Variants in AFG1L observed in about 807,000 individuals in gnomAD.
AFG1L encodes AFG1 like ATPase, also known as AFG1-like ATPase.
In AFG1L, 53 loss-of-function variants were observed where a neutral mutation model predicts 62.2. The observed-to-expected ratio is 0.85, with a 90% CI of 0.68 to 1.07. The LOEUF (loss-of-function observed/expected upper bound fraction) is 1.07, where lower values mean the gene tolerates loss of function less well. Among genes scored for constraint, AFG1L ranks in the 50% least tolerant of loss-of-function variants. The probability of loss-of-function intolerance (pLI) is 0.00; values close to 1 mark genes in which losing one functional copy is unlikely to be tolerated. For synonymous variants in AFG1L, 228 were observed against 210.3 expected, an observed-to-expected ratio of 1.08 and a Z score of -0.73; for missense variants, 555 against 590.5, an observed-to-expected ratio of 0.94 and a Z score of 0.62.
chr6:108,449,232 G>GAT (rs1254773127), intron 8 of AFG1L, among the ~76,000 whole-genome samples: 2 of 149,914 alleles, frequency 1.3e-5, no homozygotes, highest in Non-Finnish European at 3.0e-5. Flanking sequence ...CAGACATATA[G>GAT]ATATATATAG....
chr6:108,371,848 G>A (rs914431641), intron 6 of AFG1L, among the ~76,000 whole-genome samples: 1 of 151,990 alleles, frequency 6.6e-6, no homozygotes, highest in African/African-American at 2.4e-5. Context: ...CTTTGAATGC[G>A]TGGGCTCAAA....
intron 7 of AFG1L, among the ~76,000 whole-genome samples, chr6:108,437,621 A>G (rs889252411): frequency 6.6e-6 from 1 of 152,208 alleles, no homozygotes; most frequent in Admixed American, 6.5e-5. Flanking sequence ...ATAACCCATT[A>G]TAGTATAGAA....
At chr6:108,479,404 C>T (rs1773247199) in intron 10 of AFG1L, among the ~76,000 whole-genome samples, 1 of 152,050 alleles carries the variant, frequency 6.6e-6, no homozygotes, top group African/African-American at 2.4e-5. Context: ...CAGGTTTGCC[C>T]CTTATCTAGA....
chr6:108,479,934 A>G (rs893055779), intron 10 of AFG1L, among the ~76,000 whole-genome samples: 11 of 152,210 alleles, frequency 7.2e-5, no homozygotes, highest in Non-Finnish European at 1.6e-4. Flanking sequence ...CATAATGACT[A>G]TTTTTGAGCC....
intron 1 of AFG1L, among the ~76,000 whole-genome samples, chr6:108,304,892 A>G (rs1375263574): frequency 2.0e-5 from 3 of 152,232 alleles, no homozygotes; most frequent in Non-Finnish European, 2.9e-5. Flanking sequence ...TGATCTGGAA[A>G]AGACTAGATT....
chr6:108,491,702 G>GTCT (rs1472167785), intron 10 of AFG1L, among the ~76,000 whole-genome samples: 4 of 152,292 alleles, frequency 2.6e-5, no homozygotes, highest in African/African-American at 9.6e-5. Context: ...AATTCTGTTA[G>GTCT]TCTTACTCAT....
intron 2 of AFG1L, among the ~76,000 whole-genome samples, chr6:108,343,550 T>C (rs1778760635): frequency 6.6e-6 from 1 of 152,220 alleles, no homozygotes; most frequent in African/African-American, 2.4e-5. Flanking sequence ...AGTTACCTAA[T>C]ACAAAATGCT....
At chr6:108,356,409 C>G (rs924257318) in intron 4 of AFG1L, among the ~76,000 whole-genome samples, 2 of 152,142 alleles carry the variant, frequency 1.3e-5, no homozygotes, top group Non-Finnish European at 2.9e-5. Flanking sequence ...GTTGATGCAT[C>G]TAATCACTTG....
At chr6:108,473,054 G>A (rs1189867815) in intron 8 of AFG1L, among the ~76,000 whole-genome samples, 2 of 151,904 alleles carry the variant, frequency 1.3e-5, no homozygotes, top group South Asian at 2.1e-4. Flanking sequence ...TGACCACCTC[G>A]GCTTCCCAAA....
chr6:108,458,563 C>A (rs753310480), intron 8 of AFG1L, among the ~76,000 whole-genome samples: 7 of 152,236 alleles, frequency 4.6e-5, no homozygotes, highest in South Asian at 2.1e-4. Flanking sequence ...GATTCTCCCC[C>A]CTTAGCCTCT....
At chr6:108,496,834 A>G (rs1428614611) in intron 10 of AFG1L, among the ~76,000 whole-genome samples, 2 of 152,182 alleles carry the variant, frequency 1.3e-5, no homozygotes, top group Non-Finnish European at 2.9e-5. Flanking sequence ...TTTTTTCTGC[A>G]TATATATTTT....
At chr6:108,410,383 C>T (rs1782044405) in intron 7 of AFG1L, among the ~76,000 whole-genome samples, 2 of 152,076 alleles carry the variant, frequency 1.3e-5, no homozygotes, top group East Asian at 3.9e-4. Flanking sequence ...ATCTTACAAT[C>T]ATATGGAAGA....
At chr6:108,445,946 A>T (rs144975871) in intron 7 of AFG1L, among the ~76,000 whole-genome samples, 22 of 152,226 alleles carry the variant, frequency 1.4e-4, no homozygotes, top group African/African-American at 4.3e-4. Flanking sequence ...GACTTGCTTC[A>T]TGCAGGGTTG....
At chr6:108,380,505 C>T (rs372086059) in intron 6 of AFG1L, among the ~76,000 whole-genome samples, 5 of 152,164 alleles carry the variant, frequency 3.3e-5, no homozygotes, top group African/African-American at 9.7e-5. Flanking sequence ...AGCTCTCTTC[C>T]GTGCCAGGCT....
chr6:108,430,681 A>T (rs374521079), intron 7 of AFG1L, among the ~76,000 whole-genome samples: 29 of 152,356 alleles, frequency 1.9e-4, no homozygotes, highest in South Asian at 8.3e-4. Context: ...TTAACTGCAC[A>T]ATAAATGATT....
chr6:108,442,601 A>G (rs1161945290), intron 7 of AFG1L, among the ~76,000 whole-genome samples: 1 of 152,158 alleles, frequency 6.6e-6, no homozygotes, highest in Non-Finnish European at 1.5e-5. Flanking sequence ...TGTTCTTCAA[A>G]TGTTAGTTCA....
At chr6:108,345,602 G>A (rs2114412029) in intron 2 of AFG1L, among the ~76,000 whole-genome samples, 1 of 152,034 alleles carries the variant, frequency 6.6e-6, no homozygotes, top group South Asian at 2.1e-4. Context: ...CTCCCAAAGT[G>A]CTGGAATTAT....
rs1026363240 is a variant in AFG1L at position 108,355,834 on chromosome 6, A to T, written c.517+79A>T. 3.2e-6 allele frequency: 3 copies of T among 948,218 alleles called. No individual in the cohort carries two copies. The African/African-American group carries it at 5.0e-5, about 16-fold the overall frequency. The allele number at this position is 948,218 out of a possible 1,614,324, so 58.7% of individuals were successfully genotyped here. On this transcript the variant is annotated intron_variant, in intron 4 of 12. Coordinates refer to ENST00000368977, the MANE Select transcript of AFG1L (RefSeq NM_145315.5). ...GGTTTTCTTCATTGAATGAACATATACTCTTTAAAAATTAGATTTTTGCTT... is the reference window on the plus strand; with the variant it reads ...GGTTTTCTTCATTGAATGAACATATTCTCTTTAAAAATTAGATTTTTGCTT...
chr6:108,352,188 T>G (rs1263015774), intron 3 of AFG1L, among the ~76,000 whole-genome samples: 1 of 152,204 alleles, frequency 6.6e-6, no homozygotes, highest in Non-Finnish European at 1.5e-5. Flanking sequence ...TTCTACTTTC[T>G]GTCTTTATGA....
Sources: allele counts gnomAD v4.1 joint callset (sites outside exome capture counted in the v4.1 genomes callset), GRCh38; gene constraint gnomAD v4.1.1; transcripts MANE v1.5; gene names NCBI Gene and HGNC (gene_info 2026-07-23, HGNC 2026-07-21).